NREP: variants seen among roughly 807,000 people sequenced by gnomAD.
NREP encodes neuronal regeneration related protein, also known as neuronal regeneration-related protein.
In NREP, 5 loss-of-function variants were observed where a neutral mutation model predicts 8.6. The observed-to-expected ratio is 0.58, with a 90% CI of 0.30 to 1.22. The LOEUF (loss-of-function observed/expected upper bound fraction) is 1.22. NREP is among the 50% of genes most tolerant of loss of function. The pLI is 0.07. For synonymous variants in NREP, 27 were observed against 28.0 expected (o/e 0.96, Z 0.11); for missense variants, 86 against 82.5 (o/e 1.04, Z -0.17).
At chr5:111,924,354 A>G (rs10050950) in intron 2 of NREP, among the ~76,000 whole-genome samples, 92,621 of 151,788 alleles carry the variant, frequency 0.61, 28,716 homozygotes, top group Non-Finnish European at 0.66. Flanking sequence ...AGTGAGGGGT[A>G]TCCCGAAACC....
chr5:111,900,682 G>C (rs1581203181), intron 2 of NREP, among the ~76,000 whole-genome samples: 1 of 151,830 alleles, frequency 6.6e-6, no homozygotes, highest in African/African-American at 2.4e-5. Context: ...AAATTCCTGG[G>C]CATACAAACC....
At chr5:111,906,162 T>C (rs529759539) in intron 2 of NREP, among the ~76,000 whole-genome samples, 1 of 152,222 alleles carries the variant, frequency 6.6e-6, no homozygotes, top group Non-Finnish European at 1.5e-5. Flanking sequence ...TAGTGCCTCA[T>C]AATATAACCA....
chr5:111,945,928 C>G (rs1029458203), intron 2 of NREP, among the ~76,000 whole-genome samples: 1 of 151,942 alleles, frequency 6.6e-6, no homozygotes, highest in Non-Finnish European at 1.5e-5. Context: ...CCAACCCTAA[C>G]CAATCACTGT....
intron 2 of NREP, among the ~76,000 whole-genome samples, chr5:111,970,493 A>T (rs753544757): frequency 6.6e-6 from 1 of 151,700 alleles, no homozygotes; most frequent in Non-Finnish European, 1.5e-5. Flanking sequence ...ATTCCCCACC[A>T]CCTCATCACG....
chr5:111,771,098 T>C (rs1751208292), intron 2 of NREP, among the ~76,000 whole-genome samples: 1 of 152,144 alleles, frequency 6.6e-6, no homozygotes, highest in Non-Finnish European at 1.5e-5. Context: ...CCTACAACTA[T>C]TAGGAGAATT....
intron 2 of NREP, among the ~76,000 whole-genome samples, chr5:111,754,277 TC>T: frequency 6.6e-6 from 1 of 152,368 alleles, no homozygotes; most frequent in East Asian, 1.9e-4. Context: ...TCTACAAAGC[TC>T]ATTCTACTTA....
intron 2 of NREP, among the ~76,000 whole-genome samples, chr5:111,807,481 T>C (rs1213876766): frequency 6.6e-6 from 1 of 152,184 alleles, no homozygotes. Flanking sequence ...TTAAACTTTA[T>C]AGAAATATAT....
At chr5:111,798,325 C>T (rs952412630) in intron 2 of NREP, among the ~76,000 whole-genome samples, 8 of 151,980 alleles carry the variant, frequency 5.3e-5, no homozygotes, top group Non-Finnish European at 1.0e-4. Context: ...AATTTCATAA[C>T]TTTGTCTATA....
chr5:111,875,745 C>T (rs1446940079), intron 2 of NREP, among the ~76,000 whole-genome samples: 1 of 152,142 alleles, frequency 6.6e-6, no homozygotes, highest in Non-Finnish European at 1.5e-5. Flanking sequence ...GGAGTTCCAC[C>T]TCATGCTGGT....
chr5:111,973,768 A>C (rs1756887011), intron 2 of NREP, among the ~76,000 whole-genome samples: 1 of 152,198 alleles, frequency 6.6e-6, no homozygotes, highest in Non-Finnish European at 1.5e-5. Flanking sequence ...TTCTATTCAC[A>C]AGCCTAAATC....
At chr5:111,797,073 A>ATAGATAGG (rs1177220338) in intron 2 of NREP, among the ~76,000 whole-genome samples, 1 of 148,714 alleles carries the variant, frequency 6.7e-6, no homozygotes, top group African/African-American at 2.5e-5. Context: ...AGATAGATAG[A>ATAGATAGG]TAGATAGATA....
chr5:111,949,356 C>T (rs11958572), intron 2 of NREP, among the ~76,000 whole-genome samples: 1 of 126,236 alleles, frequency 7.9e-6, no homozygotes, highest in Non-Finnish European at 1.7e-5. Flanking sequence ...ATTAAAAGCC[C>T]TAGGGATTTT....
At chr5:111,976,746 C>G (rs1170858769) in exon 1 of NREP, 1 of 1,550,790 alleles carries the variant, frequency 6.4e-7, no homozygotes, top group South Asian at 1.2e-5. Context: ...TCATTCCAGT[C>G]CTGTTACTGC....
intron 1 of NREP, chr5:111,756,188 T>C: frequency 9.8e-7 from 1 of 1,025,458 alleles, no homozygotes; most frequent in Non-Finnish European, 1.2e-6. Flanking sequence ...ACTGGCAGTA[T>C]ATTTGCAATC....
At chr5:111,806,904 C>T (rs749530361) in intron 2 of NREP, among the ~76,000 whole-genome samples, 2 of 152,022 alleles carry the variant, frequency 1.3e-5, no homozygotes, top group Non-Finnish European at 2.9e-5. Context: ...TCCCAGAGAT[C>T]ATTCTCTGGG....
At chr5:111,737,732 A>C (rs995983891) in intron 2 of NREP, among the ~76,000 whole-genome samples, 1 of 149,916 alleles carries the variant, frequency 6.7e-6, no homozygotes, top group Non-Finnish European at 1.5e-5. Context: ...AAAAAAAACA[A>C]AAACAAAAAC....
chr5:111,846,059 C>G (rs943819260), intron 2 of NREP: 1 of 155,052 alleles, frequency 6.4e-6, no homozygotes, highest in Non-Finnish European at 1.4e-5. Context: ...CCACGATTTT[C>G]TGGTTACACC....
intron 2 of NREP, among the ~76,000 whole-genome samples, chr5:111,938,277 A>C (rs552910210): frequency 1.3e-5 from 2 of 152,168 alleles, no homozygotes; most frequent in South Asian, 2.1e-4. Flanking sequence ...TTCCTTTTCC[A>C]GTTATCCTAT....
chr5:111,857,145 C>A (rs1198780348), intron 2 of NREP, among the ~76,000 whole-genome samples: 5 of 152,178 alleles, frequency 3.3e-5, no homozygotes, highest in Non-Finnish European at 4.4e-5. Context: ...AGCTAGCCTG[C>A]AGGTTTCCCT....
Sources: allele counts gnomAD v4.1 joint callset (sites outside exome capture counted in the v4.1 genomes callset), GRCh38; gene constraint gnomAD v4.1.1; transcripts MANE v1.5; gene names NCBI Gene and HGNC (gene_info 2026-07-23, HGNC 2026-07-21).